PRRC2C: variants seen among roughly 807,000 people sequenced by gnomAD.
PRRC2C encodes the protein protein PRRC2C.
In PRRC2C, 72 loss-of-function variants were observed where a neutral mutation model predicts 317.2. The ratio of observed to expected loss-of-function variants is 0.23; its 90% CI spans 0.19 to 0.28. The LOEUF (loss-of-function observed/expected upper bound fraction) is 0.28. Among genes scored for constraint, PRRC2C ranks in the 10% least tolerant of loss-of-function variants. The pLI is 1.00. For missense variants in PRRC2C, 3,074 were observed against 3,459.7 expected, an observed-to-expected ratio of 0.89 and a Z score of 2.80; for synonymous variants, 1,296 against 1,205.9, an observed-to-expected ratio of 1.07 and a Z score of -1.55.
In PRRC2C at chr1:171,571,431, A is replaced by G. The variant is rs747404700; in HGVS notation, c.6753+10A>G. 2 of 1,555,702 alleles carry G rather than the reference A, an allele frequency of 1.3e-6. No homozygotes were observed. The highest frequency in any genetic ancestry group is 1.4e-5 in the African/African-American group (1 of 73,700). ...CAGCCTCACCTTCAAGGTATGTACA[A>G]CATCCATCTCTAAGAGTCCTTAATT... On this transcript the variant is annotated intron_variant, in intron 24 of 34. Coordinates refer to ENST00000647382, the MANE Select transcript of PRRC2C (RefSeq NM_001387844.1).
At position 171,592,110 on chromosome 1, in the gene PRRC2C, T is replaced by TA. The variant is rs1651561480; in HGVS notation, c.*263_*264insA. The TA allele has an allele frequency of 2.6e-6, 1 of 382,956 alleles. No homozygotes were observed. Among genetic ancestry groups the TA allele is most frequent in the Non-Finnish European group, 4.6e-6 (1 of 215,764 alleles). The allele number at this position is 382,956 out of a possible 1,614,324, so 23.7% of individuals were successfully genotyped here. A position where few individuals can be genotyped will look rare whatever the true frequency, so the allele number is the denominator to read the frequency against. ...TCTTCAGTCAGAATTTATATATAAA[T>TA]GTATGCACCCATTTTTTTGAGTGCA... On this transcript the variant is annotated 3_prime_UTR_variant, in exon 35 of 35. Transcript: ENST00000647382.
chr1:171,494,869 A>G (rs749490515), intron 1 of PRRC2C, among the ~76,000 whole-genome samples: 1 of 151,776 alleles, frequency 6.6e-6, no homozygotes, highest in Non-Finnish European at 1.5e-5. Context: ...GGGTCTCAGC[A>G]TTAGGAGTGG....
At chr1:171,547,337 T>C (rs893957953) in intron 17 of PRRC2C, among the ~76,000 whole-genome samples, 1 of 152,174 alleles carries the variant, frequency 6.6e-6, no homozygotes, top group African/African-American at 2.4e-5. Context: ...CCATAAATGC[T>C]ACATGTAGTT....
In PRRC2C at chr1:171,541,088, G is replaced by A; in HGVS notation, c.3622G>A (p.Gly1208Arg). The A allele has an allele frequency of 6.2e-7, 1 of 1,613,836 alleles. No homozygotes were observed. The highest frequency in any genetic ancestry group is 8.5e-7 in the Non-Finnish European group (1 of 1,179,872). Residue 1208 changes from glycine to arginine, a missense_variant, in exon 16 of 35, where the codon GGG becomes AGG. Gly to Arg is a moderately radical substitution (Grantham distance 125, BLOSUM62 -2). Coordinates refer to ENST00000647382, the MANE Select transcript of PRRC2C (RefSeq NM_001387844.1). The surrounding 1 kb of genome is among the most constrained non-coding windows in gnomAD (Gnocchi z 4.1). ...RGRSYRGSYG[G>R]RGRGGRGHTR... ...TCGAAGCTATAGAGGTTCTTATGGA[G>A]GGCGTGGCAGGGGTGGTAGGGGACA... is the stretch of plus-strand genomic sequence containing the variant.
intron 6 of PRRC2C, among the ~76,000 whole-genome samples, chr1:171,521,546 T>C (rs2102334775): frequency 6.6e-6 from 1 of 152,294 alleles, no homozygotes; most frequent in Middle Eastern, 3.4e-3. Context: ...CTGTCCCCCT[T>C]TTCCAACTCA....
At position 171,582,595 on chromosome 1, in the gene PRRC2C, G is replaced by A. The variant is rs143694227; in HGVS notation, c.7410-1361G>A. On this transcript the variant is annotated intron_variant, in intron 28 of 34. Transcript: ENST00000647382. ...CTATAAACCCGTGCAGCATTTTACT[G>A]TACTTAATACTGTAGGCAGTTGTAA... 9.7e-3 allele frequency among the ~76,000 whole-genome samples: 1,479 copies of A among 152,260 alleles called. 24 individuals carry two copies. Among genetic ancestry groups the A allele is most frequent in the African/African-American group, 0.03 (1,239 of 41,540 alleles).
intron 1 of PRRC2C, among the ~76,000 whole-genome samples, chr1:171,501,407 A>AGG (rs1286083214): frequency 2.0e-5 from 3 of 152,230 alleles, no homozygotes; most frequent in Non-Finnish European, 4.4e-5. Flanking sequence ...CTGGCATTAC[A>AGG]GATGTGAGCC....
intron 1 of PRRC2C, among the ~76,000 whole-genome samples, chr1:171,486,641 G>A (rs1478787427): frequency 6.6e-6 from 1 of 152,152 alleles, no homozygotes; most frequent in Non-Finnish European, 1.5e-5. Flanking sequence ...TTCCGCATTG[G>A]CTGGTTTTCA....
At chr1:171,525,371 A>G (rs1032658271) in intron 10 of PRRC2C, among the ~76,000 whole-genome samples, 3 of 152,164 alleles carry the variant, frequency 2.0e-5, no homozygotes, top group Admixed American at 2.0e-4. Flanking sequence ...AGGGAGATCT[A>G]AAGTCTGAAT....
chr1:171,557,477 G>C lies in PRRC2C; in HGVS notation c.5365G>C (p.Ala1789Pro), dbSNP rs1185042392. 1 of 1,551,162 alleles carries C rather than the reference G, an allele frequency of 6.4e-7. No individual in the cohort carries two copies. Among genetic ancestry groups the C allele is most frequent in the East Asian group, 2.4e-5 (1 of 40,900 alleles). Residue 1789 changes from alanine to proline, a missense_variant, in exon 19 of 35, where the codon GCC (alanine) becomes CCC (proline). Physicochemically the swap from Ala to Pro is conservative, Grantham distance 27. Coordinates refer to ENST00000647382, the MANE Select transcript of PRRC2C (RefSeq NM_001387844.1). ...VPASTSAPVP[A>P]STLAPVLAST... is the part of the protein sequence containing the mutation. The stretch of plus-strand genomic sequence containing the variant: ...AGCCTCAACCTCAGCTCCGGTTCCA[G>C]CCTCAACTTTAGCTCCAGTTCTGGC...
intron 1 of PRRC2C, among the ~76,000 whole-genome samples, chr1:171,501,736 C>T (rs775859474): frequency 6.6e-6 from 1 of 152,030 alleles, no homozygotes. Flanking sequence ...TTTTGATATC[C>T]TCTATAACTG....
chr1:171,557,531 C>G lies in PRRC2C; in HGVS notation c.5419C>G (p.Pro1807Ala). 6.4e-7 allele frequency: 1 copy of G among 1,551,524 alleles called. No homozygotes were observed. The highest frequency in any genetic ancestry group is 8.7e-7 in the Non-Finnish European group (1 of 1,146,960). The change falls in exon 19 of 35, where the codon CCC (proline) becomes GCC (alanine). Residue 1807 changes from proline to alanine, a missense_variant. Pro to Ala is a conservative substitution (Grantham distance 27, BLOSUM62 -1). Around this residue, in one of 11 missense-constraint regions of PRRC2C, gnomAD observed 640 missense variants for 676.1 expected, o/e 0.95. Transcript: ENST00000647382. ...AACCTCAGCTCCAGTTCCAGCCTCA[C>G]CCTTAGCTCCAGTTTCAGCCTCAGC... is the stretch of plus-strand genomic sequence containing the variant. ...ASTSAPVPAS[P>A]LAPVSASASV...
chr1:171,580,297 T>G (rs976009362), intron 28 of PRRC2C, among the ~76,000 whole-genome samples: 10 of 152,294 alleles, frequency 6.6e-5, no homozygotes, highest in South Asian at 6.2e-4. Context: ...CTGAATCTCC[T>G]CTATGTACGA....
At chr1:171,525,842 A>G (rs1260418919) in intron 10 of PRRC2C, among the ~76,000 whole-genome samples, 1 of 152,178 alleles carries the variant, frequency 6.6e-6, no homozygotes, top group African/African-American at 2.4e-5. Context: ...GTATGAGAAA[A>G]CATGGCACAT....
intron 11 of PRRC2C, among the ~76,000 whole-genome samples, chr1:171,531,671 G>GT (rs1342562930): frequency 6.6e-6 from 1 of 152,048 alleles, no homozygotes; most frequent in African/African-American, 2.4e-5. Flanking sequence ...ACCTGTCATT[G>GT]TTTTATAACA....
intron 12 of PRRC2C, among the ~76,000 whole-genome samples, chr1:171,533,552 A>G (rs1180607745): frequency 6.6e-6 from 1 of 152,114 alleles, no homozygotes; most frequent in Non-Finnish European, 1.5e-5. Context: ...AATGGCATTC[A>G]AATATAGTAT....
At chr1:171,539,858 C>T in intron 15 of PRRC2C, 113 bp from the exon 16 acceptor site, 1 of 929,906 alleles carries the variant, frequency 1.1e-6, no homozygotes, top group South Asian at 1.8e-5. Context: ...GAGAAAGATT[C>T]TCATTATGGT....
intron 20 of PRRC2C, among the ~76,000 whole-genome samples, chr1:171,564,578 A>G (rs1166416590): frequency 6.6e-6 from 1 of 152,244 alleles, no homozygotes; most frequent in East Asian, 1.9e-4. Flanking sequence ...GCTTTGCTTA[A>G]CAACAGAGAT....
intron 29 of PRRC2C, 102 bp downstream of exon 29, chr1:171,584,289 A>T: frequency 7.3e-7 from 1 of 1,375,552 alleles, no homozygotes. Flanking sequence ...AGATGCAATG[A>T]AAAAAACAAA....
Sources: gnomAD v4.1 joint callset for allele counts (sites outside exome capture counted in the v4.1 genomes callset) on GRCh38, gnomAD v4.1.1 for gene constraint, gnomAD v4.1.1 regional missense constraint, Gnocchi (gnomAD v3.1) non-coding constraint, MANE v1.5 for transcripts, NCBI Gene and HGNC (gene_info 2026-07-23, HGNC 2026-07-21) for gene names.